Variants in STAG1 observed in about 807,000 individuals in gnomAD.
The protein encoded by STAG1 is STAG1 cohesin complex component.
A neutral mutation model predicts 170.9 loss-of-function variants in STAG1; 26 were observed. The ratio of observed to expected loss-of-function variants is 0.15; its 90% CI spans 0.11 to 0.21. The LOEUF is 0.21. Ranked by LOEUF, STAG1 falls within the 10% of genes least tolerant of loss-of-function variation. STAG1 has a pLI of 1.00. For missense variants in STAG1, 964 were observed against 1,509.5 expected (o/e 0.64, Z 5.99); for synonymous variants, 514 against 497.7 (o/e 1.03, Z -0.44).
intron 3 of STAG1, among the ~76,000 whole-genome samples, chr3:136,605,626 T>C (rs1022228316): frequency 3.3e-5 from 5 of 152,232 alleles, no homozygotes; most frequent in African/African-American, 1.2e-4. Context: ...TCAGTCCTTA[T>C]GCTCTCTATT....
chr3:136,730,030 A>G (rs1422248679), intron 1 of STAG1, among the ~76,000 whole-genome samples: 1 of 151,736 alleles, frequency 6.6e-6, no homozygotes, highest in Admixed American at 6.6e-5. Context: ...CTGGGACTAC[A>G]GACACGTGCC....
intron 11 of STAG1, 149 bp from the exon 12 acceptor site, chr3:136,472,641 A>G: frequency 1.9e-6 from 1 of 532,686 alleles, no homozygotes; most frequent in Non-Finnish European, 3.4e-6. Context: ...TTGTAGTCCT[A>G]CTCACACAAA....
chr3:136,703,066 CAAAAAAAAAAAA>C (rs1157305676), intron 1 of STAG1, among the ~76,000 whole-genome samples: 1 of 75,734 alleles, frequency 1.3e-5, no homozygotes, highest in African/African-American at 4.6e-5. Flanking sequence ...GACTCCATCT[CAAAAAAAAAAAA>C]AAAAAAAAAG....
chr3:136,362,307 AG>A (rs1471707180), intron 26 of STAG1, among the ~76,000 whole-genome samples: 1 of 152,138 alleles, frequency 6.6e-6, no homozygotes, highest in African/African-American at 2.4e-5. Context: ...TCCTTGGAAA[AG>A]TGCCTTTTTC....
intron 21 of STAG1, among the ~76,000 whole-genome samples, chr3:136,403,608 A>G (rs903629188): frequency 6.6e-6 from 1 of 152,196 alleles, no homozygotes; most frequent in Non-Finnish European, 1.5e-5. Context: ...TAGAAGAGTG[A>G]TATATAAATT....
intron 7 of STAG1, among the ~76,000 whole-genome samples, chr3:136,511,082 C>A (rs773602618): frequency 2.0e-5 from 3 of 152,140 alleles, no homozygotes; most frequent in African/African-American, 7.2e-5. Flanking sequence ...TGAGATCTGA[C>A]GGTTTTATAC....
At chr3:136,632,129 A>G (rs1940355126) in intron 1 of STAG1, among the ~76,000 whole-genome samples, 1 of 152,234 alleles carries the variant, frequency 6.6e-6, no homozygotes, top group African/African-American at 2.4e-5. Context: ...AGGGGGAAAA[A>G]AAAAGTCAAC....
intron 5 of STAG1, among the ~76,000 whole-genome samples, chr3:136,566,343 G>A (rs767299962): frequency 3.5e-4 from 54 of 152,226 alleles, no homozygotes; most frequent in Non-Finnish European, 6.5e-4. Context: ...GTGGAAGAGG[G>A]CCCTCACAAG....
chr3:136,619,787 C>T (rs1939764045), intron 3 of STAG1, among the ~76,000 whole-genome samples: 1 of 141,192 alleles, frequency 7.1e-6, no homozygotes, highest in African/African-American at 2.6e-5. Flanking sequence ...AAAGGAGAGG[C>T]CGGGGTAGCG....
rs563941086 is a variant in STAG1, at chr3:136,616,869, T to C, written c.132+6277A>G. Among the ~76,000 whole-genome samples, 3 of 152,238 alleles carry C rather than the reference T, an allele frequency of 2.0e-5. No individual in the cohort carries two copies. In the East Asian group the frequency reaches 5.8e-4, roughly 29 times the overall value. ...TGATCATACCACCTTTATTCACAAA[T>C]AATGAACAATATAGAAAGTACTGAT... On this transcript the variant is annotated intron_variant, in intron 3 of 33. Coordinates refer to ENST00000383202, the MANE Select transcript of STAG1 (RefSeq NM_005862.3).
intron 3 of STAG1, among the ~76,000 whole-genome samples, chr3:136,607,466 G>A (rs533840692): frequency 1.3e-5 from 2 of 152,102 alleles, no homozygotes; most frequent in South Asian, 2.1e-4. Context: ...GCGGTGGTGC[G>A]ATCTTTGCTC....
chr3:136,376,204 C>G (rs1426898757), intron 23 of STAG1, among the ~76,000 whole-genome samples: 2 of 144,856 alleles, frequency 1.4e-5, no homozygotes, highest in African/African-American at 5.0e-5. Context: ...TAAGAGACAG[C>G]AAAGGATAAG....
At chr3:136,342,394 C>T (rs1357307016) in intron 30 of STAG1, among the ~76,000 whole-genome samples, 4 of 152,130 alleles carry the variant, frequency 2.6e-5, no homozygotes, top group African/African-American at 9.7e-5. Context: ...TCTCAGCTCA[C>T]TACAACCTCT....
At chr3:136,750,118 G>A (rs1336294633) in intron 1 of STAG1, among the ~76,000 whole-genome samples, 5 of 152,252 alleles carry the variant, frequency 3.3e-5, no homozygotes, top group African/African-American at 4.8e-5. Context: ...TTAAGTTACA[G>A]CAATTAAATG....
At chr3:136,586,830 G>A (rs1290866400) in intron 4 of STAG1, 1 of 456,620 alleles carries the variant, frequency 2.2e-6, no homozygotes, top group Admixed American at 2.3e-5. Flanking sequence ...CCCATCAATG[G>A]AATGTAAATA....
At chr3:136,609,959 TA>T (rs895526646) in intron 3 of STAG1, among the ~76,000 whole-genome samples, 4 of 151,098 alleles carry the variant, frequency 2.6e-5, no homozygotes, top group South Asian at 4.2e-4. Flanking sequence ...GTCCTGAATT[TA>T]AAAAAAAAAT....
At chr3:136,566,788 A>T (rs938665898) in intron 5 of STAG1, among the ~76,000 whole-genome samples, 1 of 152,200 alleles carries the variant, frequency 6.6e-6, no homozygotes, top group Non-Finnish European at 1.5e-5. Context: ...GTATACATAA[A>T]ATTACTCATT....
chr3:136,502,517 TCTAA>T, intron 8 of STAG1, 107 bp downstream of exon 8: 2 of 1,170,206 alleles, frequency 1.7e-6, no homozygotes, highest in Non-Finnish European at 2.4e-6. Flanking sequence ...CATCAAATAA[TCTAA>T]CTAAATATAC....
intron 13 of STAG1, among the ~76,000 whole-genome samples, chr3:136,458,105 A>G (rs1007162915): frequency 4.6e-5 from 7 of 152,214 alleles, no homozygotes; most frequent in African/African-American, 1.7e-4. Flanking sequence ...CAAAGTTATT[A>G]TAAGTTTAAA....
Sources: gnomAD v4.1 joint callset for allele counts (sites outside exome capture counted in the v4.1 genomes callset) on GRCh38, gnomAD v4.1.1 for gene constraint, MANE v1.5 for transcripts, NCBI Gene and HGNC (gene_info 2026-07-23, HGNC 2026-07-21) for gene names.